HS6ST2: variants seen among roughly 807,000 people sequenced by gnomAD.
The protein encoded by HS6ST2 is heparan-sulfate 6-O-sulfotransferase 2.
In HS6ST2, 17 loss-of-function variants were observed where a neutral mutation model predicts 33.0. The observed-to-expected ratio is 0.52, with a 90% CI of 0.35 to 0.77. The LOEUF is 0.77. HS6ST2 is among the 30% of genes least tolerant of loss of function. HS6ST2 has a pLI of 0.01. For synonymous variants in HS6ST2, 248 were observed against 237.1 expected (o/e 1.05, Z -0.42); for missense variants, 519 against 551.7 (o/e 0.94, Z 0.59).
chrX:132,832,790 CTTG>C (rs1172283697), intron 2 of HS6ST2, among the ~76,000 whole-genome samples: 1 of 111,825 alleles, frequency 8.9e-6, no homozygotes, highest in Non-Finnish European at 1.9e-5. Context: ...AAGACTTGTT[CTTG>C]TTGTCAGTAA....
Position 132,626,836 on chromosome X carries a change from G to T in HS6ST2, c.*1387C>A, listed in dbSNP as rs1487371826. 2 of 111,792 alleles carry T rather than the reference G, an allele frequency of 1.8e-5. No individual in the cohort carries two copies. Among genetic ancestry groups the T allele is most frequent in the Non-Finnish European group, 3.8e-5 (2 of 53,164 alleles). 9.2% of individuals were successfully genotyped at this position (111,792 alleles called of 1,213,427 possible). On this transcript the variant is annotated 3_prime_UTR_variant, in exon 5 of 5. Coordinates refer to ENST00000370833, the MANE Select transcript of HS6ST2 (RefSeq NM_001394073.1). ...TTTTTATCTTGGTCAGCTTGTAATA[G>T]GTACCATAGAAGTATTTTTGCATCG...
chrX:132,680,309 C>T (rs750966876), intron 3 of HS6ST2, among the ~76,000 whole-genome samples: 18 of 111,158 alleles, frequency 1.6e-4, no homozygotes, highest in Admixed American at 1.5e-3. Context: ...CCTGACTTCC[C>T]GCAACACAGC....
intron 4 of HS6ST2, among the ~76,000 whole-genome samples, chrX:132,637,863 T>TATTTTATATATA (rs2063568143): frequency 9.9e-4 from 35 of 35,208 alleles, no homozygotes; most frequent in African/African-American, 2.0e-3. Flanking sequence ...ATATATATAA[T>TATTTTATATATA]ATATTATATA....
intron 2 of HS6ST2, among the ~76,000 whole-genome samples, chrX:132,789,975 T>C (rs1384382884): frequency 8.9e-6 from 1 of 112,599 alleles, no homozygotes; most frequent in Non-Finnish European, 1.9e-5. Context: ...ATGCTGTGAA[T>C]AATCGTGTTG....
chrX:132,784,963 G>A (rs2065048949), intron 2 of HS6ST2, among the ~76,000 whole-genome samples: 1 of 111,688 alleles, frequency 9.0e-6, no homozygotes, highest in South Asian at 3.8e-4. Context: ...CCTTGGTTCG[G>A]TTCAGAAAAG....
chrX:132,678,365 C>G (rs1211608881), intron 3 of HS6ST2, among the ~76,000 whole-genome samples: 2 of 111,656 alleles, frequency 1.8e-5, no homozygotes, highest in Admixed American at 1.9e-4. Flanking sequence ...TAAAAGCAAA[C>G]AGTGCATCTG....
chrX:132,921,040 G>C (rs181759936), intron 2 of HS6ST2, among the ~76,000 whole-genome samples: 17 of 112,734 alleles, frequency 1.5e-4, no homozygotes, highest in African/African-American at 5.5e-4. Context: ...AGAATAAAGA[G>C]CAGGTAGACT....
At chrX:132,837,061 G>A (rs1000759291) in intron 2 of HS6ST2, among the ~76,000 whole-genome samples, 1 of 112,099 alleles carries the variant, frequency 8.9e-6, no homozygotes, top group African/African-American at 3.2e-5. Flanking sequence ...GTGAGGTGGA[G>A]AGAAATGGCA....
Position 132,628,533 on chromosome X carries a change from C to G in HS6ST2, c.1628G>C (p.Arg543Thr). 1 of 1,211,151 alleles carries G rather than the reference C, an allele frequency of 8.3e-7. No individual in the cohort carries two copies. The highest frequency in any genetic ancestry group is 1.1e-6 in the Non-Finnish European group (1 of 895,312). Residue 543 changes from arginine (R) to threonine (T), a missense_variant, in exon 5 of 5, where the codon AGG becomes ACG. By Grantham distance (71) the Arg-to-Thr change is moderately conservative (BLOSUM62 -1). Coordinates refer to ENST00000370833, the MANE Select transcript of HS6ST2 (RefSeq NM_001394073.1). Reference protein sequence around the residue: ...DLFLQRYQFMRQKEHQEARRK... With the variant: ...DLFLQRYQFMTQKEHQEARRK... ...CCTGGCCTCCTGATGCTCTTTCTGC[C>G]TCATAAACTGATACCTCTGCAAAAA...
chrX:132,916,520 T>C (rs1028747744), intron 2 of HS6ST2, among the ~76,000 whole-genome samples: 2 of 112,135 alleles, frequency 1.8e-5, no homozygotes, highest in Non-Finnish European at 1.9e-5. Context: ...GAGATTAACA[T>C]TTGAGTCAGC....
intron 2 of HS6ST2, among the ~76,000 whole-genome samples, chrX:132,841,488 G>C (rs1385378429): frequency 9.0e-6 from 1 of 111,521 alleles, no homozygotes; most frequent in Admixed American, 9.5e-5. Flanking sequence ...AGGGTAGGGA[G>C]GCATTGCTGA....
chrX:132,882,506 G>A (rs28792392), intron 2 of HS6ST2, among the ~76,000 whole-genome samples: 10 of 100,313 alleles, frequency 1.0e-4, no homozygotes, highest in African/African-American at 3.8e-4. Context: ...AGTTGCTTAT[G>A]AGCTTAAGGA....
At chrX:132,727,819 C>A (rs758209780) in intron 2 of HS6ST2, among the ~76,000 whole-genome samples, 31 of 111,343 alleles carry the variant, frequency 2.8e-4, no homozygotes, top group Non-Finnish European at 5.5e-4. Flanking sequence ...CAGCTCCTGG[C>A]AATCATCTGT....
At chrX:132,826,175 T>G (rs1236125552) in intron 2 of HS6ST2, among the ~76,000 whole-genome samples, 1 of 112,828 alleles carries the variant, frequency 8.9e-6, no homozygotes, top group Non-Finnish European at 1.9e-5. Flanking sequence ...TGCACCCTTT[T>G]GTCTCCCCAC....
chrX:132,694,852 T>C (rs1017433908), intron 3 of HS6ST2, among the ~76,000 whole-genome samples: 10 of 110,925 alleles, frequency 9.0e-5, no homozygotes, highest in African/African-American at 3.3e-4. Flanking sequence ...ATGCAAAAGA[T>C]ACCTTGAAGA....
At chrX:132,959,481 A>G (rs1415914110), upstream of HS6ST2, among the ~76,000 whole-genome samples, 1 of 111,959 alleles carries the variant, frequency 8.9e-6, no homozygotes, top group Non-Finnish European at 1.9e-5. Flanking sequence ...AGTGTTTCTG[A>G]GCAGTGCTGT....
chrX:132,943,431 C>A, intron 2 of HS6ST2, among the ~76,000 whole-genome samples: 1 of 111,334 alleles, frequency 9.0e-6, no homozygotes, highest in East Asian at 2.8e-4. Flanking sequence ...CTCAGACGTA[C>A]AAAGAGGAGC....
At chrX:132,822,826 A>T (rs1429591443) in intron 2 of HS6ST2, among the ~76,000 whole-genome samples, 2 of 112,234 alleles carry the variant, frequency 1.8e-5, no homozygotes, top group Admixed American at 9.5e-5. Context: ...CCTGTTGTCA[A>T]AATAGCTTGG....
chrX:132,752,536 C>T (rs1159275743), intron 2 of HS6ST2, among the ~76,000 whole-genome samples: 1 of 110,176 alleles, frequency 9.1e-6, no homozygotes, highest in Non-Finnish European at 1.9e-5. Flanking sequence ...CAATGAGACT[C>T]AGACTGCCTA....
Sources: gnomAD v4.1 joint callset for allele counts (sites outside exome capture counted in the v4.1 genomes callset) on GRCh38, gnomAD v4.1.1 for gene constraint, MANE v1.5 for transcripts, NCBI Gene and HGNC (gene_info 2026-07-23, HGNC 2026-07-21) for gene names.